CDH23: variants seen among roughly 807,000 people sequenced by gnomAD.
CDH23 encodes the protein cadherin related 23.
Under a neutral mutation model 317.1 loss-of-function variants are expected in CDH23, and 189 were observed. That is an observed-to-expected ratio of 0.60 (90% CI 0.53 to 0.67). The LOEUF is 0.67. Ranked by LOEUF, CDH23 falls within the 30% of genes least tolerant of loss-of-function variation. The pLI, the probability that CDH23 is intolerant of heterozygous loss-of-function variation, is 0.00. For missense variants in CDH23, 4,401 were observed against 4,592.4 expected (o/e 0.96, Z 1.20); for synonymous variants, 1,839 against 1,876.8 (o/e 0.98, Z 0.52).
At position 71,803,370 on chromosome 10, in the gene CDH23, C is replaced by T. The variant is rs370922401; in HGVS notation, c.7822C>T (p.Arg2608Cys). 70 of 1,600,548 alleles carry T rather than the reference C, an allele frequency of 4.4e-5. No individual in the cohort carries two copies. Among genetic ancestry groups the T allele is most frequent in the African/African-American group, 8.1e-5 (6 of 74,322 alleles). ...LVEVIDVNDNRPVFVRPPNGT... is the reference protein window; with the variant it reads ...LVEVIDVNDNCPVFVRPPNGT... The stretch of plus-strand genomic sequence containing the variant: ...GGAGGTCATCGACGTCAATGACAAC[C>T]GCCCTGTCTTTGTGCGCCCACCCAA... Residue 2608 changes from arginine to cysteine, a missense_variant, in exon 55 of 70, where the codon CGC (arginine) becomes TGC (cysteine). Around this residue, in one of 3 missense-constraint regions of CDH23, gnomAD observed 1,144 missense variants for 1,138.2 expected, o/e 1.01. Transcript: ENST00000224721.
intron 3 of CDH23, among the ~76,000 whole-genome samples, chr10:71,496,040 T>G (rs1852945508): frequency 6.6e-6 from 1 of 152,198 alleles, no homozygotes; most frequent in Non-Finnish European, 1.5e-5. Flanking sequence ...GTAGTTCTGA[T>G]GCACACTCAA....
At chr10:71,809,318 A>T (rs1460293977) in intron 60 of CDH23, among the ~76,000 whole-genome samples, 1 of 151,828 alleles carries the variant, frequency 6.6e-6, no homozygotes, top group Non-Finnish European at 1.5e-5. Flanking sequence ...AGCTGGGATT[A>T]GGTGCATGCA....
rs1250745641 is a variant in CDH23 at position 71,807,866 on chromosome 10, G to A, written c.8581G>A (p.Val2861Met). The part of the protein sequence containing the change: ...YTAGVATDAK[V>M]GSELIQVLAL... The stretch of plus-strand genomic sequence containing the variant: ...TGCAGGGGTGGCCACCGACGCCAAG[G>A]TGGGCTCAGAGTTGATCCAGGTGCT... The change falls in exon 60 of 70, where the codon GTG becomes ATG. Residue 2861 changes from valine (V) to methionine (M), a missense_variant. This residue lies in a region of CDH23 where 1,144 missense variants were observed against 1,138.2 expected (regional missense o/e 1.01). Transcript: ENST00000224721. 7.5e-6 allele frequency: 12 copies of A among 1,603,844 alleles called. No homozygotes were observed. The East Asian group carries it at 2.0e-4, about 27-fold the overall frequency.
chr10:71,690,711 C>T, intron 20 of CDH23, 127 bp downstream of exon 20: 3 of 651,410 alleles, frequency 4.6e-6, no homozygotes, highest in Admixed American at 4.9e-5. Context: ...CAGCTTTGAG[C>T]ACCAGTGTAA....
chr10:71,755,492 G>T, intron 38 of CDH23: 1 of 1,588,746 alleles, frequency 6.3e-7, no homozygotes, highest in Non-Finnish European at 8.6e-7. Context: ...GGTAGCCAAG[G>T]TGAAGCCCCA....
intron 27 of CDH23, 71 bp from the exon 28 acceptor site, chr10:71,712,594 G>A (rs763870868): frequency 1.3e-4 from 200 of 1,573,702 alleles, no homozygotes; most frequent in Non-Finnish European, 1.6e-4. Flanking sequence ...GCCCGGGAGT[G>A]TGCAAAGTCA....
chr10:71,660,194 C>T (rs1488879625), intron 14 of CDH23, among the ~76,000 whole-genome samples: 1 of 152,026 alleles, frequency 6.6e-6, no homozygotes, highest in Non-Finnish European at 1.5e-5. Context: ...CTCCTGACCT[C>T]GTGATCCACC....
intron 6 of CDH23, among the ~76,000 whole-genome samples, chr10:71,515,416 A>ACACACACG (rs1407120925): frequency 1.3e-5 from 2 of 149,490 alleles, no homozygotes; most frequent in Admixed American, 6.6e-5. Flanking sequence ...ACACACACAC[A>ACACACACG]CACGCACACA....
intron 6 of CDH23, among the ~76,000 whole-genome samples, chr10:71,530,570 C>T (rs1425459334): frequency 6.6e-6 from 1 of 152,178 alleles, no homozygotes; most frequent in African/African-American, 2.4e-5. Context: ...CTAGGTCTCT[C>T]GAGGTCTTGC....
At chr10:71,645,562 C>G in intron 12 of CDH23, 1 of 637,070 alleles carries the variant, frequency 1.6e-6, no homozygotes. Context: ...GGAGAGTGAA[C>G]CAAACCACCT....
chr10:71,675,122 A>G lies in CDH23; in HGVS notation c.1460A>G (p.Asn487Ser). The G allele has an allele frequency of 1.9e-6, 3 of 1,613,968 alleles. No individual in the cohort carries two copies. Among genetic ancestry groups the G allele is most frequent in the Non-Finnish European group, 2.5e-6 (3 of 1,179,848 alleles). ...TTCTCGCTGTTGCAGGCAACTGACAATGATGCAGGCACCTTTGGGGAAGTC... is the reference window on the plus strand; with the variant it reads ...TTCTCGCTGTTGCAGGCAACTGACAGTGATGCAGGCACCTTTGGGGAAGTC... Reference protein sequence around the residue: ...TSVLTVLATDNDAGTFGEVSY... With the variant: ...TSVLTVLATDSDAGTFGEVSY... The change falls in exon 15 of 70, where the codon AAT becomes AGT. Residue 487 changes from asparagine to serine, a missense_variant. This residue lies in a region of CDH23 where 3,068 missense variants were observed against 3,203.3 expected (regional missense o/e 0.96). Transcript: ENST00000224721.
intron 3 of CDH23, among the ~76,000 whole-genome samples, chr10:71,471,904 C>G (rs555740123): frequency 6.6e-6 from 1 of 152,312 alleles, no homozygotes; most frequent in African/African-American, 2.4e-5. Flanking sequence ...ACGTGGAAAC[C>G]ATCTGTTTAT....
chr10:71,694,091 C>T, intron 20 of CDH23, 56 bp from the exon 21 acceptor site: 1 of 1,312,686 alleles, frequency 7.6e-7, no homozygotes, highest in Non-Finnish European at 1.1e-6. Flanking sequence ...CTTCTTCCCT[C>T]CCTCTCTCCC....
chr10:71,652,315 T>C (rs1863212990), intron 14 of CDH23, among the ~76,000 whole-genome samples: 1 of 152,242 alleles, frequency 6.6e-6, no homozygotes, highest in Non-Finnish European at 1.5e-5. Flanking sequence ...AGGGAGTCCC[T>C]GCAATCCTGT....
At chr10:71,605,423 G>A (rs1252884991) in intron 9 of CDH23, among the ~76,000 whole-genome samples, 1 of 152,206 alleles carries the variant, frequency 6.6e-6, no homozygotes, top group Non-Finnish European at 1.5e-5. Flanking sequence ...CCAGCATCTA[G>A]TGGGTAGAGG....
At chr10:71,783,377 A>C (rs1222318045) in intron 41 of CDH23, among the ~76,000 whole-genome samples, 1 of 152,194 alleles carries the variant, frequency 6.6e-6, no homozygotes, top group Non-Finnish European at 1.5e-5. Context: ...TGGAAAGAAC[A>C]CAAGTCCTGT....
chr10:71,668,361 T>A (rs528965607), intron 14 of CDH23, among the ~76,000 whole-genome samples: 1 of 152,190 alleles, frequency 6.6e-6, no homozygotes, highest in Non-Finnish European at 1.5e-5. Context: ...AGGAGCACCC[T>A]GGATCCCATG....
chr10:71,702,157 C>T lies in CDH23; in HGVS notation c.2533C>T (p.Pro845Ser), dbSNP rs1240856069. Residue 845 changes from proline (P) to serine (S), a missense_variant, in exon 23 of 70, where the codon CCC (proline) becomes TCC (serine). By Grantham distance (74) the Pro-to-Ser change is moderately conservative. Transcript: ENST00000224721. ...TTHAMLDREN[P>S]DPHEAELMRK... ...CCACGCCATGCTGGACCGGGAGAACCCCGACCCCCATGAGGCCGAGCTGAT... is the reference window on the plus strand; with the variant it reads ...CCACGCCATGCTGGACCGGGAGAACTCCGACCCCCATGAGGCCGAGCTGAT... The T allele has an allele frequency of 4.3e-6, 7 of 1,613,942 alleles. No individual in the cohort carries two copies. The highest frequency in any genetic ancestry group is 5.9e-6 in the Non-Finnish European group (7 of 1,179,884).
intron 45 of CDH23, among the ~76,000 whole-genome samples, chr10:71,789,801 A>T (rs1841193915): frequency 6.6e-6 from 1 of 152,236 alleles, no homozygotes; most frequent in African/African-American, 2.4e-5. Context: ...ACAACCAGGG[A>T]ATCCCAGGCC....
Sources: allele counts gnomAD v4.1 joint callset (sites outside exome capture counted in the v4.1 genomes callset), GRCh38; gene constraint gnomAD v4.1.1; regional missense constraint gnomAD v4.1.1; transcripts MANE v1.5; gene names NCBI Gene and HGNC (gene_info 2026-07-23, HGNC 2026-07-21).